ADGRG6: variants seen among roughly 807,000 people sequenced by gnomAD.
ADGRG6 encodes adhesion G protein-coupled receptor G6.
Under a neutral mutation model 142.4 loss-of-function variants are expected in ADGRG6, and 84 were observed. That is an observed-to-expected ratio of 0.59 (90% CI 0.49 to 0.71). The LOEUF (loss-of-function observed/expected upper bound fraction) is 0.71, where lower values mean the gene tolerates loss of function less well. Ranked by LOEUF, ADGRG6 falls within the 30% of genes least tolerant of loss-of-function variation. ADGRG6 has a pLI of 0.00. For synonymous variants in ADGRG6, 521 were observed against 520.5 expected (o/e 1.00, Z -0.01); for missense variants, 1,367 against 1,466.6 (o/e 0.93, Z 1.11).
At chr6:142,419,369 G>C (rs1367307095) in intron 21 of ADGRG6, among the ~76,000 whole-genome samples, 1 of 152,094 alleles carries the variant, frequency 6.6e-6, no homozygotes, top group African/African-American at 2.4e-5. Flanking sequence ...ACCACTAATA[G>C]CTCTTCCAAA....
intron 1 of ADGRG6, 53 bp from the exon 2 acceptor site, chr6:142,309,491 A>G: frequency 1.6e-6 from 2 of 1,275,190 alleles, no homozygotes; most frequent in South Asian, 2.6e-5. Flanking sequence ...TTTATTTGTC[A>G]TAATGCTTTA....
At position 142,416,037 on chromosome 6, in the gene ADGRG6, A is replaced by G. The variant is rs754152632; in HGVS notation, c.2911A>G (p.Ile971Val). ...ATTTAACACTTACATTCGCCGATACATTCTAAAATTCTGCATCATTGGCTG... is the reference window on the plus strand; with the variant it reads ...ATTTAACACTTACATTCGCCGATACGTTCTAAAATTCTGCATCATTGGCTG... ...KVFNTYIRRY[I>V]LKFCIIGWGL... The change falls in exon 20 of 25, where the codon ATT becomes GTT. Residue 971 changes from isoleucine to valine, a missense_variant. Ile to Val is a conservative substitution (Grantham distance 29). Around this residue, in one of 3 missense-constraint regions of ADGRG6, gnomAD observed 344 missense variants for 348.7 expected, o/e 0.99. Transcript: ENST00000367609. 2.5e-6 allele frequency: 4 copies of G among 1,612,642 alleles called. No homozygotes were observed. Among genetic ancestry groups the G allele is most frequent in the South Asian group, 2.2e-5 (2 of 91,012 alleles).
At chr6:142,341,496 TTATATAG>T (rs1485042579) in intron 2 of ADGRG6, among the ~76,000 whole-genome samples, 2 of 118,228 alleles carry the variant, frequency 1.7e-5, no homozygotes, top group African/African-American at 3.3e-5. Flanking sequence ...CTATATAATA[TTATATAG>T]TATATATACT....
chr6:142,333,912 C>G (rs1466378358), intron 2 of ADGRG6, among the ~76,000 whole-genome samples: 2 of 152,182 alleles, frequency 1.3e-5, no homozygotes, highest in Non-Finnish European at 2.9e-5. Context: ...CCTTCTGTCT[C>G]TAATCCTATG....
At chr6:142,338,152 C>G (rs549597584) in intron 2 of ADGRG6, among the ~76,000 whole-genome samples, 19 of 150,912 alleles carry the variant, frequency 1.3e-4, no homozygotes, top group Non-Finnish European at 2.7e-4. Context: ...TCCCGAGTAG[C>G]TGCGACTACA....
chr6:142,354,334 G>T (rs1780339479), intron 2 of ADGRG6, among the ~76,000 whole-genome samples: 1 of 152,176 alleles, frequency 6.6e-6, no homozygotes, highest in African/African-American at 2.4e-5. Flanking sequence ...AGTGAACTGA[G>T]ATCGTGCCAT....
chr6:142,361,368 A>G (rs1018754095), intron 2 of ADGRG6, among the ~76,000 whole-genome samples: 7 of 152,194 alleles, frequency 4.6e-5, no homozygotes, highest in East Asian at 3.9e-4. Context: ...CTGTGCGTCA[A>G]CAAGCTCTCG....
At chr6:142,430,621 C>T (rs1210736494) in intron 22 of ADGRG6, among the ~76,000 whole-genome samples, 5 of 152,046 alleles carry the variant, frequency 3.3e-5, no homozygotes, top group Admixed American at 3.3e-4. Context: ...ATCTTTTTCC[C>T]CCGAATAGTT....
intron 24 of ADGRG6, chr6:142,441,034 C>A (rs909747370): frequency 1.6e-6 from 1 of 642,524 alleles, no homozygotes; most frequent in African/African-American, 1.9e-5. Flanking sequence ...AGCTAAGATT[C>A]TTGCTGCATC....
In ADGRG6 at chr6:142,446,254, C is replaced by T. The variant is rs1198816651; in HGVS notation, c.*2739C>T. 2 of 152,570 alleles carry T rather than the reference C, an allele frequency of 1.3e-5. No homozygotes were observed. Among genetic ancestry groups the T allele is most frequent in the East Asian group, 3.9e-4 (2 of 5,190 alleles). 9.5% of individuals were successfully genotyped at this position (152,570 alleles called of 1,614,324 possible). On this transcript the variant is annotated 3_prime_UTR_variant, in exon 25 of 25. Transcript: ENST00000367609. ...AATAAATACTTATGTTGTTCATGTT[C>T]CAAGTTATTCAATTCCTTTATGAGT...
intron 22 of ADGRG6, among the ~76,000 whole-genome samples, chr6:142,433,141 A>G (rs1464621911): frequency 2.6e-5 from 4 of 152,194 alleles, no homozygotes; most frequent in Non-Finnish European, 4.4e-5. Flanking sequence ...AATACCTCCA[A>G]GAACAAATTC....
chr6:142,318,610 T>A (rs984670022), intron 2 of ADGRG6, among the ~76,000 whole-genome samples: 2 of 150,446 alleles, frequency 1.3e-5, no homozygotes, highest in African/African-American at 4.9e-5. Context: ...ACAGAAGAGA[T>A]CTCAGAAAAA....
intron 24 of ADGRG6, among the ~76,000 whole-genome samples, chr6:142,440,492 C>T (rs1203129584): frequency 6.6e-6 from 1 of 151,970 alleles, no homozygotes; most frequent in Non-Finnish European, 1.5e-5. Flanking sequence ...GATGAGGTCT[C>T]ATCATCTTAC....
chr6:142,390,209 A>G (rs1233958673), intron 6 of ADGRG6, 49 bp from the exon 7 acceptor site: 4 of 837,756 alleles, frequency 4.8e-6, no homozygotes, highest in African/African-American at 1.7e-5. Context: ...TGATAATTAT[A>G]TAACTATAAA....
chr6:142,438,209 C>T lies in ADGRG6; in HGVS notation c.3422-3C>T, dbSNP rs112638708. 3.6e-3 allele frequency: 5,490 copies of T among 1,537,298 alleles called. 83 individuals carry two copies. In the African/African-American group the frequency reaches 0.051, roughly 14 times the overall value. ...GATAGGGTGATGTCATTTTTTTTTT[C>T]AGATTGGAGTAAGACAGCTACCAAT... On this transcript the variant is annotated splice_region_variant and splice_polypyrimidine_tract_variant and intron_variant, in intron 23 of 24. Transcript: ENST00000367609.
chr6:142,318,322 TATTA>T (rs1778328014), intron 2 of ADGRG6, among the ~76,000 whole-genome samples: 1 of 94,608 alleles, frequency 1.1e-5, no homozygotes, highest in African/African-American at 4.6e-5. Context: ...TATATTTATA[TATTA>T]TATATATTTA....
At chr6:142,341,807 T>C (rs968249840) in intron 2 of ADGRG6, among the ~76,000 whole-genome samples, 1 of 150,684 alleles carries the variant, frequency 6.6e-6, no homozygotes, top group Non-Finnish European at 1.5e-5. Flanking sequence ...AGACAGTCAC[T>C]ATATGCTGTC....
At chr6:142,317,750 A>C (rs1283346632) in intron 2 of ADGRG6, among the ~76,000 whole-genome samples, 1 of 107,514 alleles carries the variant, frequency 9.3e-6, no homozygotes, top group Non-Finnish European at 1.7e-5. Flanking sequence ...TATAATATAT[A>C]TTTATATTAT....
Position 142,402,846 on chromosome 6 carries a change from T to G in ADGRG6, c.1955+16T>G. On this transcript the variant is annotated intron_variant, in intron 13 of 24. Coordinates refer to ENST00000367609, the MANE Select transcript of ADGRG6 (RefSeq NM_198569.3). The stretch of plus-strand genomic sequence containing the variant: ...CATCTTCTGAGTAAGTATTTTTTTT[T>G]TCCTGGAGAGTAAATTTTATTGGAT... The G allele has an allele frequency of 7.2e-7, 1 of 1,389,496 alleles. No individual in the cohort carries two copies. The highest frequency in any genetic ancestry group is 9.9e-7 in the Non-Finnish European group (1 of 1,005,202). The allele number at this position is 1,389,496 out of a possible 1,614,324, so 86.1% of individuals were successfully genotyped here. A position where few individuals can be genotyped will look rare whatever the true frequency, so the allele number is the denominator to read the frequency against.
Sources: allele counts gnomAD v4.1 joint callset (sites outside exome capture counted in the v4.1 genomes callset), GRCh38; gene constraint gnomAD v4.1.1; regional missense constraint gnomAD v4.1.1; transcripts MANE v1.5; gene names NCBI Gene and HGNC (gene_info 2026-07-23, HGNC 2026-07-21).